ATP9B: variants seen among roughly 807,000 people sequenced by gnomAD.
ATP9B encodes the protein probable phospholipid-transporting ATPase IIB.
ATP9B carries 110 observed loss-of-function variants against 146.1 expected under a neutral mutation model. That is an observed-to-expected ratio of 0.75 (90% CI 0.65 to 0.88). The LOEUF is 0.88. ATP9B is among the 40% of genes least tolerant of loss of function. ATP9B has a pLI of 0.00. For missense variants in ATP9B, 1,499 were observed against 1,496.4 expected (o/e 1.00, Z -0.03); for synonymous variants, 604 against 569.7 (o/e 1.06, Z -0.86).
At chr18:79,235,694 AG>A (rs534088582) in intron 11 of ATP9B, among the ~76,000 whole-genome samples, 79 of 150,664 alleles carry the variant, frequency 5.2e-4, no homozygotes, top group African/African-American at 1.9e-3. Flanking sequence ...CTCCTCACCA[AG>A]GTGACCACCA....
At chr18:79,073,203 C>T (rs887793793) in intron 1 of ATP9B, among the ~76,000 whole-genome samples, 4 of 152,080 alleles carry the variant, frequency 2.6e-5, no homozygotes, top group Non-Finnish European at 4.4e-5. Context: ...CAGGCAGAGA[C>T]GCTCCTCACT....
At chr18:79,133,226 G>A (rs947205963) in intron 5 of ATP9B, among the ~76,000 whole-genome samples, 1 of 151,900 alleles carries the variant, frequency 6.6e-6, no homozygotes, top group South Asian at 2.1e-4. Flanking sequence ...TTTTGTTTCC[G>A]TGGTCTGACA....
intron 27 of ATP9B, 136 bp from the exon 28 acceptor site, chr18:79,373,762 G>A (rs952120095): frequency 1.2e-6 from 1 of 866,884 alleles, no homozygotes. Context: ...GTGCTGGGAA[G>A]ACAGACATGA....
At chr18:79,321,119 C>T (rs1018169177) in intron 15 of ATP9B, among the ~76,000 whole-genome samples, 2 of 152,190 alleles carry the variant, frequency 1.3e-5, no homozygotes, top group African/African-American at 2.4e-5. Context: ...CAAGAGAATT[C>T]GCTAGGCTGC....
At chr18:79,232,033 G>T (rs950964581) in intron 11 of ATP9B, among the ~76,000 whole-genome samples, 1 of 151,876 alleles carries the variant, frequency 6.6e-6, no homozygotes, top group African/African-American at 2.4e-5. Context: ...GGTGGGCGAG[G>T]GATGAAAGAC....
intron 27 of ATP9B, 62 bp from the exon 28 acceptor site, chr18:79,373,836 G>GT (rs2097087658): frequency 6.3e-7 from 1 of 1,577,734 alleles, no homozygotes; most frequent in African/African-American, 1.3e-5. Flanking sequence ...GTTCAAGGCT[G>GT]TTTCCTCTAG....
intron 3 of ATP9B, among the ~76,000 whole-genome samples, chr18:79,112,799 A>C (rs1316851088): frequency 2.0e-5 from 3 of 152,106 alleles, no homozygotes; most frequent in Non-Finnish European, 4.4e-5. Context: ...ATATAAGGTT[A>C]ATATGACTTT....
At position 79,344,223 on chromosome 18, in the gene ATP9B, G is replaced by A. The variant is rs1395145531; in HGVS notation, c.2383-42G>A. 6.2e-5 allele frequency: 96 copies of A among 1,560,762 alleles called. 1 individual carries two copies. Among genetic ancestry groups the A allele is most frequent in the Non-Finnish European group, 8.3e-5 (94 of 1,133,786 alleles). On this transcript the variant is annotated intron_variant, in intron 20 of 29. Transcript: ENST00000426216. Reference sequence around the variant, plus strand: ...CCTGTTTCTCTGTGCCTGTAACTTAGACAACATTTTAATTTGGGATTCTTT... The same window carrying A: ...CCTGTTTCTCTGTGCCTGTAACTTAAACAACATTTTAATTTGGGATTCTTT...
intron 6 of ATP9B, among the ~76,000 whole-genome samples, chr18:79,147,073 G>C (rs1339326646): frequency 1.3e-5 from 2 of 152,206 alleles, no homozygotes; most frequent in African/African-American, 4.8e-5. Context: ...GTCCAAGAAA[G>C]TGTACTTCAG....
intron 12 of ATP9B, among the ~76,000 whole-genome samples, chr18:79,274,538 G>A (rs1279719304): frequency 6.6e-6 from 1 of 152,108 alleles, no homozygotes; most frequent in African/African-American, 2.4e-5. Flanking sequence ...TACTCCCTAT[G>A]TGGTATTAGA....
chr18:79,334,014 A>G (rs2096805753), intron 17 of ATP9B, among the ~76,000 whole-genome samples: 2 of 152,212 alleles, frequency 1.3e-5, no homozygotes, highest in African/African-American at 4.8e-5. Flanking sequence ...AGCCCTCTCT[A>G]CAGGGAGGGT....
At chr18:79,205,046 G>T (rs1010147525) in intron 9 of ATP9B, among the ~76,000 whole-genome samples, 1 of 152,144 alleles carries the variant, frequency 6.6e-6, no homozygotes, top group Non-Finnish European at 1.5e-5. Flanking sequence ...GTGAAGGGAC[G>T]TGGTGGAAGG....
At chr18:79,168,022 A>G (rs1446705071) in intron 7 of ATP9B, among the ~76,000 whole-genome samples, 2 of 152,204 alleles carry the variant, frequency 1.3e-5, no homozygotes, top group Non-Finnish European at 2.9e-5. Flanking sequence ...CCCTGAGCAC[A>G]TGCATACCTG....
intron 19 of ATP9B, among the ~76,000 whole-genome samples, chr18:79,339,660 T>C (rs1250215437): frequency 6.6e-6 from 1 of 150,808 alleles, no homozygotes; most frequent in Non-Finnish European, 1.5e-5. Flanking sequence ...CTGACTGAGA[T>C]CGTAGTAGGA....
intron 5 of ATP9B, among the ~76,000 whole-genome samples, chr18:79,134,476 G>A (rs745980872): frequency 1.1e-4 from 16 of 152,174 alleles, no homozygotes; most frequent in Non-Finnish European, 2.1e-4. Context: ...TAGAGTCATT[G>A]GCATGGCATG....
intron 9 of ATP9B, among the ~76,000 whole-genome samples, chr18:79,200,469 C>A (rs2095458604): frequency 6.6e-6 from 1 of 151,926 alleles, no homozygotes; most frequent in African/African-American, 2.4e-5. Flanking sequence ...TGAAGTTGAC[C>A]CCATTGATAG....
chr18:79,364,267 A>G (rs1478631206), intron 26 of ATP9B: 1 of 139,212 alleles, frequency 7.2e-6, no homozygotes, highest in Non-Finnish European at 1.5e-5. Context: ...CTCCGTCTCA[A>G]AAAAAAAAAA....
chr18:79,337,997 G>A (rs1274363434), intron 19 of ATP9B, among the ~76,000 whole-genome samples: 1 of 152,154 alleles, frequency 6.6e-6, no homozygotes, highest in Non-Finnish European at 1.5e-5. Flanking sequence ...GTGACGGCAC[G>A]TGTTCCATGA....
intron 5 of ATP9B, among the ~76,000 whole-genome samples, chr18:79,142,050 A>G (rs888473803): frequency 1.3e-5 from 2 of 152,388 alleles, no homozygotes; most frequent in African/African-American, 2.4e-5. Context: ...TTGAGCAGAT[A>G]TATAAGGCAG....
Sources: allele counts gnomAD v4.1 joint callset (sites outside exome capture counted in the v4.1 genomes callset), GRCh38; gene constraint gnomAD v4.1.1; transcripts MANE v1.5; gene names NCBI Gene and HGNC (gene_info 2026-07-23, HGNC 2026-07-21).